The following OVCH2 variants were observed in gnomAD, a reference collection of about 807,000 sequenced individuals.
The protein encoded by OVCH2 is ovochymase-2.
In OVCH2, 88 loss-of-function variants were observed where a neutral mutation model predicts 73.7. The ratio of observed to expected loss-of-function variants is 1.19; its 90% CI spans 1.01 to 1.43. OVCH2 has a LOEUF of 1.43. OVCH2 is among the 40% of genes most tolerant of loss of function. The pLI, the probability that OVCH2 is intolerant of heterozygous loss-of-function variation, is 0.00. For synonymous variants in OVCH2, 265 were observed against 234.5 expected (o/e 1.13, Z -1.19); for missense variants, 706 against 674.5 (o/e 1.05, Z -0.52).
chr11:7,688,554 T>C (rs1159127210), downstream of OVCH2, among the ~76,000 whole-genome samples: 1 of 152,204 alleles, frequency 6.6e-6, no homozygotes, highest in Non-Finnish European at 1.5e-5. Flanking sequence ...CCAACTGCTT[T>C]CATCCCTTCT....
the OVCH2 span, among the ~76,000 whole-genome samples, chr11:7,681,763 C>T: frequency 6.6e-6 from 1 of 151,218 alleles, no homozygotes; most frequent in African/African-American, 2.4e-5. Flanking sequence ...GTGGAGAATT[C>T]CACCTGCATG....
rs1175603785 is a variant in OVCH2, at chr11:7,691,922, A to G, written c.1487T>C (p.Val496Ala). 1.9e-6 allele frequency: 3 copies of G among 1,571,398 alleles called. No individual in the cohort carries two copies. Among genetic ancestry groups the G allele is most frequent in the African/African-American group, 2.7e-5 (2 of 74,182 alleles). ...TSDYVTVHSD[V>A]ERKKEIARLC... ...CAAACCTATTTCCTTCTTCCTTTCT[A>G]CATCGCTGTGCACTGTCACATAGTC... Residue 496 changes from valine to alanine, a missense_variant, in exon 13 of 16, where the codon GTA becomes GCA. By Grantham distance (64) the Val-to-Ala change is moderately conservative (BLOSUM62 0). Transcript: ENST00000533663.
At chr11:7,683,019 TC>T in the OVCH2 span, among the ~76,000 whole-genome samples, 1 of 152,230 alleles carries the variant, frequency 6.6e-6, no homozygotes, top group African/African-American at 2.4e-5. Context: ...TCAATGCTCC[TC>T]ATTTCCAACC....
intron 6 of OVCH2, 139 bp from the exon 7 acceptor site, chr11:7,700,624 A>G (rs761184337): frequency 1.5e-5 from 14 of 955,622 alleles, no homozygotes; most frequent in Non-Finnish European, 1.8e-5. Flanking sequence ...GGTCCTGTGT[A>G]TACAGATCCC....
At chr11:7,689,722 T>C in intron 15 of OVCH2, 120 bp from the exon 16 acceptor site, 1 of 660,122 alleles carries the variant, frequency 1.5e-6, no homozygotes, top group Admixed American at 2.1e-5. Context: ...CATACTGGAT[T>C]AGGGCCCAGG....
intron 8 of OVCH2, among the ~76,000 whole-genome samples, chr11:7,697,692 T>G (rs1856362959): frequency 6.6e-6 from 1 of 152,196 alleles, no homozygotes; most frequent in African/African-American, 2.4e-5. Context: ...TTCATCTAAT[T>G]GGCTCCCAAT....
the OVCH2 span, among the ~76,000 whole-genome samples, chr11:7,680,777 A>C: frequency 6.6e-6 from 1 of 152,212 alleles, no homozygotes; most frequent in East Asian, 1.9e-4. Flanking sequence ...TAAGCCACTA[A>C]ATTTGTAGTA....
Position 7,700,406 on chromosome 11 carries a change from C to T in OVCH2, c.791G>A (p.Gly264Asp), listed in dbSNP as rs1217514533. 1 of 1,613,004 alleles carries T rather than the reference C, an allele frequency of 6.2e-7. No individual in the cohort carries two copies. The highest frequency in any genetic ancestry group is 1.3e-5 in the African/African-American group (1 of 74,918). Residue 264 changes from glycine to aspartate, a missense_variant, in exon 7 of 16, where the codon GGC becomes GAC. Coordinates refer to ENST00000533663, the MANE Select transcript of OVCH2 (RefSeq NM_198185.7). ...TLAGVTSWGL[G>D]CGRGWRNNVR... is the part of the protein sequence containing the mutation. ...ATTGTTTCTCCAGCCTCGACCACAG[C>T]CCAAACCCCAGGAAGTCACACCAGC...
At chr11:7,684,524 G>T (rs1411230360), downstream of OVCH2, among the ~76,000 whole-genome samples, 1 of 151,298 alleles carries the variant, frequency 6.6e-6, no homozygotes, top group Non-Finnish European at 1.5e-5. Flanking sequence ...GTGTGTGTGT[G>T]TGTGTGTGTG....
chr11:7,699,029 G>A (rs936962024), intron 7 of OVCH2: 7 of 423,684 alleles, frequency 1.7e-5, no homozygotes, highest in Middle Eastern at 6.7e-4. Flanking sequence ...AGAGGAAGGG[G>A]TCATTTTACA....
chr11:7,700,367 T>C lies in OVCH2; in HGVS notation c.830A>G (p.Asp277Gly). 6.2e-7 allele frequency: 1 copy of C among 1,613,686 alleles called. No homozygotes were observed. Among genetic ancestry groups the C allele is most frequent in the Non-Finnish European group, 8.5e-7 (1 of 1,179,808 alleles). ...RGWRNNVRKS[D>G]QGSPGIFTDI... is the part of the protein sequence containing the mutation. ...TGTGAAGATCCCAGGGGATCCTTGA[T>C]CACTTTTCCTCACATTGTTTCTCCA... The change falls in exon 7 of 16, where the codon GAT becomes GGT. Residue 277 changes from aspartate (D) to glycine (G), a missense_variant. Asp to Gly is a moderately conservative substitution (Grantham distance 94). Transcript: ENST00000533663.
intron 1 of OVCH2, chr11:7,705,608 G>A (rs1433577332): frequency 6.6e-6 from 1 of 152,180 alleles, no homozygotes; most frequent in Non-Finnish European, 1.5e-5. Context: ...AGAAAACTGA[G>A]AATCAAGGAG....
chr11:7,695,453 C>T, intron 11 of OVCH2, 117 bp downstream of exon 11: 1 of 1,098,634 alleles, frequency 9.1e-7, no homozygotes, highest in Non-Finnish European at 1.3e-6. Flanking sequence ...TGCCCCTCTC[C>T]CATGTGGAGT....
At position 7,698,769 on chromosome 11, in the gene OVCH2, A is replaced by T; in HGVS notation, c.906T>A (p.Asn302Lys). The change falls in exon 8 of 16, where the codon AAT becomes AAA. Residue 302 changes from asparagine (N) to lysine (K), a missense_variant. Asn to Lys is a moderately conservative substitution (Grantham distance 94). Transcript: ENST00000533663. Reference protein sequence around the residue: ...PWIHEHIQTGNRRKSSRAWCS... With the variant: ...PWIHEHIQTGKRRKSSRAWCS... ...ACCCACCTCTGGAGCTCTTTCTCCG[A>T]TTACCTGGGAAAGGAAAAGAAGGAT... 1 of 1,612,818 alleles carries T rather than the reference A, an allele frequency of 6.2e-7. No individual in the cohort carries two copies. Among genetic ancestry groups the T allele is most frequent in the East Asian group, 2.2e-5 (1 of 44,858 alleles).
At chr11:7,696,188 A>G (rs1020844677) in intron 10 of OVCH2, among the ~76,000 whole-genome samples, 1 of 152,200 alleles carries the variant, frequency 6.6e-6, no homozygotes, top group African/African-American at 2.4e-5. Flanking sequence ...GCCCTGGAAT[A>G]TATCTAGAGT....
the OVCH2 span, among the ~76,000 whole-genome samples, chr11:7,683,373 T>G: frequency 6.6e-6 from 1 of 152,088 alleles, no homozygotes; most frequent in Non-Finnish European, 1.5e-5. Flanking sequence ...CTTTCACACC[T>G]CATATCCAAT....
intron 12 of OVCH2, among the ~76,000 whole-genome samples, chr11:7,692,864 CTTAT>C (rs1856247618): frequency 1.3e-5 from 2 of 152,192 alleles, no homozygotes; most frequent in Admixed American, 6.5e-5. Flanking sequence ...AATTGTGATG[CTTAT>C]TGGCAGCATA....
chr11:7,703,747 T>G lies in OVCH2; in HGVS notation c.241A>C (p.Ile81Leu), dbSNP rs2136163890. 6.2e-7 allele frequency: 1 copy of G among 1,611,058 alleles called. No individual in the cohort carries two copies. Among genetic ancestry groups the G allele is most frequent in the Non-Finnish European group, 8.5e-7 (1 of 1,178,682 alleles). The stretch of plus-strand genomic sequence containing the variant: ...GTGATCACCCACTGTGGTGAGACGA[T>G]GCTTCCTCCACAAATATGCTTCTGC... Reference protein sequence around the residue: ...QRQKHICGGSIVSPQWVITAA... With the variant: ...QRQKHICGGSLVSPQWVITAA... The change falls in exon 3 of 16, where the codon ATC becomes CTC. Residue 81 changes from isoleucine (I) to leucine (L), a missense_variant. Physicochemically the swap from Ile to Leu is conservative, Grantham distance 5. Transcript: ENST00000533663.
At chr11:7,703,937 C>T in intron 2 of OVCH2, 148 bp from the exon 3 acceptor site, 1 of 689,942 alleles carries the variant, frequency 1.4e-6, no homozygotes, top group Non-Finnish European at 2.4e-6. Context: ...AGCCCAGACA[C>T]TACCGCTCAG....
Sources: allele counts gnomAD v4.1 joint callset (sites outside exome capture counted in the v4.1 genomes callset), GRCh38; gene constraint gnomAD v4.1.1; transcripts MANE v1.5; gene names NCBI Gene and HGNC (gene_info 2026-07-23, HGNC 2026-07-21).